PARN: variants seen among roughly 807,000 people sequenced by gnomAD.
PARN encodes poly(A)-specific ribonuclease, also known as poly(A)-specific ribonuclease PARN.
In PARN, 71 loss-of-function variants were observed where a neutral mutation model predicts 102.8. That is an observed-to-expected ratio of 0.69 (90% confidence interval 0.57 to 0.84). The LOEUF (loss-of-function observed/expected upper bound fraction) is 0.84. PARN is among the 40% of genes least tolerant of loss of function. The pLI is 0.00. For synonymous variants in PARN, 261 were observed against 252.9 expected (o/e 1.03, Z -0.30); for missense variants, 782 against 760.9 (o/e 1.03, Z -0.33).
intron 18 of PARN, among the ~76,000 whole-genome samples, chr16:14,564,463 A>C (rs1968302825): frequency 1.3e-5 from 2 of 152,216 alleles, no homozygotes; most frequent in Admixed American, 1.3e-4. Context: ...CAACCTTCCC[A>C]CGACTGTAGT....
chr16:14,528,154 G>A (rs949859123), intron 21 of PARN, among the ~76,000 whole-genome samples: 1 of 152,196 alleles, frequency 6.6e-6, no homozygotes, highest in South Asian at 2.1e-4. Context: ...GCCCTAATGA[G>A]TACAACTTCA....
rs574782581 is a variant in PARN, at chr16:14,606,288, C to G, written c.702+196G>C. ...TGGTGGCACGAGCCTGTAGTCCCAGCTTGGGAGGCTGATGTAGGAGGATCA... is the reference window on the plus strand; with the variant it reads ...TGGTGGCACGAGCCTGTAGTCCCAGGTTGGGAGGCTGATGTAGGAGGATCA... On this transcript the variant is annotated intron_variant, in intron 10 of 23. Coordinates refer to ENST00000437198, the MANE Select transcript of PARN (RefSeq NM_002582.4). 2.0e-5 allele frequency among the ~76,000 whole-genome samples: 3 copies of G among 151,878 alleles called. No homozygotes were observed. The South Asian group carries it at 6.2e-4, about 32-fold the overall frequency.
intron 23 of PARN, among the ~76,000 whole-genome samples, chr16:14,437,491 T>C (rs926601319): frequency 2.6e-5 from 4 of 152,106 alleles, no homozygotes; most frequent in African/African-American, 9.7e-5. Flanking sequence ...AGTGACAAAG[T>C]TTCACCCCAA....
At chr16:14,594,079 G>A (rs1439392276) in intron 12 of PARN, among the ~76,000 whole-genome samples, 1 of 151,848 alleles carries the variant, frequency 6.6e-6, no homozygotes, top group Non-Finnish European at 1.5e-5. Flanking sequence ...CAAATTTTAG[G>A]GCTGCATCCT....
At chr16:14,617,464 A>T in intron 6 of PARN, 126 bp downstream of exon 6, 4 of 648,674 alleles carry the variant, frequency 6.2e-6, no homozygotes, top group Non-Finnish European at 1.1e-5. Context: ...CTGCACATGT[A>T]TGCTGGAACT....
intron 22 of PARN, among the ~76,000 whole-genome samples, chr16:14,467,599 C>T (rs146319551): frequency 1.3e-5 from 2 of 152,286 alleles, no homozygotes; most frequent in African/African-American, 4.8e-5. Context: ...TGCAGCATTG[C>T]ATGATATTGA....
chr16:14,450,368 A>C (rs1421983136), intron 22 of PARN, among the ~76,000 whole-genome samples: 1 of 152,200 alleles, frequency 6.6e-6, no homozygotes. Flanking sequence ...TAAATCAGTA[A>C]ATGTGCTGAT....
chr16:14,625,287 C>T (rs1045365881), intron 5 of PARN, among the ~76,000 whole-genome samples: 2 of 152,036 alleles, frequency 1.3e-5, no homozygotes, highest in South Asian at 2.1e-4. Context: ...CACCTGGGGT[C>T]GAGAGTTCGA....
Position 14,606,544 on chromosome 16 carries a change from A to G in PARN, c.660-18T>C. 3.4e-6 allele frequency: 5 copies of G among 1,482,326 alleles called. No homozygotes were observed. The highest frequency in any genetic ancestry group is 2.3e-5 in the East Asian group (1 of 43,796). The allele number at this position is 1,482,326 out of a possible 1,614,324, so 91.8% of individuals were successfully genotyped here. A position where few individuals can be genotyped will look rare whatever the true frequency, so the allele number is the denominator to read the frequency against. On this transcript the variant is annotated intron_variant, in intron 9 of 23. Transcript: ENST00000437198. ...TCGGATACCTAAAGAAAAGAAAAAC[A>G]TAGTATCAGTAGATGAGTCAATGAC... is the stretch of plus-strand genomic sequence containing the variant.
At chr16:14,580,294 GT>G (rs200225037) in intron 18 of PARN, among the ~76,000 whole-genome samples, 43 of 143,990 alleles carry the variant, frequency 3.0e-4, no homozygotes, top group African/African-American at 8.9e-4. Flanking sequence ...TGTTTTTTTT[GT>G]TTTTTTTTTT....
intron 21 of PARN, among the ~76,000 whole-genome samples, chr16:14,537,295 A>C (rs1187556565): frequency 6.6e-6 from 1 of 152,148 alleles, no homozygotes; most frequent in Non-Finnish European, 1.5e-5. Flanking sequence ...AATAACACAG[A>C]CTGGCGATGA....
chr16:14,594,721 A>G (rs1434349356), intron 12 of PARN, among the ~76,000 whole-genome samples: 2 of 152,218 alleles, frequency 1.3e-5, no homozygotes, highest in African/African-American at 4.8e-5. Context: ...CTTGGAAAAA[A>G]AAATCAGGTT....
intron 21 of PARN, among the ~76,000 whole-genome samples, chr16:14,538,657 T>C (rs758276790): frequency 1.5e-4 from 23 of 152,152 alleles, no homozygotes; most frequent in Non-Finnish European, 2.5e-4. Flanking sequence ...AACCGCATCA[T>C]AAAGCAAACA....
intron 13 of PARN, among the ~76,000 whole-genome samples, chr16:14,586,668 T>C (rs1162693173): frequency 6.6e-6 from 1 of 152,104 alleles, no homozygotes; most frequent in Non-Finnish European, 1.5e-5. Context: ...AACCTACCTA[T>C]TTGAGAGGCC....
intron 21 of PARN, among the ~76,000 whole-genome samples, chr16:14,525,278 G>A (rs758020731): frequency 6.6e-6 from 1 of 152,150 alleles, no homozygotes; most frequent in African/African-American, 2.4e-5. Flanking sequence ...GAAAGATAAG[G>A]ATGTCTCTGG....
At chr16:14,494,641 C>T (rs899791794) in intron 21 of PARN, among the ~76,000 whole-genome samples, 4 of 152,194 alleles carry the variant, frequency 2.6e-5, no homozygotes, top group African/African-American at 9.7e-5. Context: ...GAAGGGCCGG[C>T]GGTGCAGCCG....
chr16:14,483,620 A>T (rs1963498819), intron 21 of PARN, among the ~76,000 whole-genome samples: 1 of 152,128 alleles, frequency 6.6e-6, no homozygotes, highest in Non-Finnish European at 1.5e-5. Context: ...GTCATCCATC[A>T]CGCAAATTAA....
In PARN at chr16:14,473,785, T is replaced by C. The variant is rs1034383125; in HGVS notation, c.1670+8853A>G. ...TGAAATAGCAGTGGACAGTTGTGGG[T>C]CTCAAGGTGAGAGGCACCCACTCAA... On this transcript the variant is annotated intron_variant, in intron 22 of 23. Transcript: ENST00000437198. Among the ~76,000 whole-genome samples the C allele has an allele frequency of 2.0e-5, 3 of 152,090 alleles. No homozygotes were observed. In the East Asian group the frequency reaches 5.8e-4, roughly 29 times the overall value.
chr16:14,585,980 C>CTTTTT (rs772896503), intron 14 of PARN, among the ~76,000 whole-genome samples: 2 of 127,238 alleles, frequency 1.6e-5, no homozygotes, highest in Non-Finnish European at 1.7e-5. Context: ...CACAATGACT[C>CTTTTT]TTTTTTTTTT....
Sources: allele counts gnomAD v4.1 joint callset (sites outside exome capture counted in the v4.1 genomes callset), GRCh38; gene constraint gnomAD v4.1.1; transcripts MANE v1.5; gene names NCBI Gene and HGNC (gene_info 2026-07-23, HGNC 2026-07-21).